The following RETREG1 variants were observed in gnomAD, a reference collection of about 807,000 sequenced individuals.
The protein encoded by RETREG1 is reticulophagy regulator 1.
In RETREG1, 44 loss-of-function variants were observed where a neutral mutation model predicts 54.8. The observed-to-expected ratio is 0.80, with a 90% CI of 0.63 to 1.03. RETREG1 has a LOEUF of 1.03. RETREG1 is among the 50% of genes least tolerant of loss of function. The probability of loss-of-function intolerance (pLI) is 0.00; values close to 1 mark genes in which losing one functional copy is unlikely to be tolerated. For synonymous variants in RETREG1, 217 were observed against 238.5 expected, an observed-to-expected ratio of 0.91 and a Z score of 0.83; for missense variants, 554 against 605.1, an observed-to-expected ratio of 0.92 and a Z score of 0.89.
intron 2 of RETREG1, among the ~76,000 whole-genome samples, chr5:16,570,880 G>C (rs987888910): frequency 2.0e-5 from 3 of 152,114 alleles, no homozygotes; most frequent in Non-Finnish European, 4.4e-5. Flanking sequence ...AGGGAAAAAA[G>C]GGAGAGAAGG....
intron 3 of RETREG1, among the ~76,000 whole-genome samples, chr5:16,534,212 G>C (rs933314069): frequency 6.6e-6 from 1 of 152,190 alleles, no homozygotes; most frequent in African/African-American, 2.4e-5. Flanking sequence ...CATTTTGGGA[G>C]GCCAAGTTGG....
intron 3 of RETREG1, among the ~76,000 whole-genome samples, chr5:16,520,412 C>T (rs1284313018): frequency 6.6e-6 from 1 of 152,110 alleles, no homozygotes; most frequent in Admixed American, 6.5e-5. Flanking sequence ...TCACTGCAAC[C>T]TCCGTCTCCC....
At chr5:16,559,112 C>T (rs983110291) in intron 3 of RETREG1, among the ~76,000 whole-genome samples, 4 of 152,196 alleles carry the variant, frequency 2.6e-5, no homozygotes, top group Admixed American at 2.6e-4. Context: ...CTTTCACCTT[C>T]CCACCTCCAA....
intron 1 of RETREG1, among the ~76,000 whole-genome samples, chr5:16,608,364 T>C (rs189884590): frequency 6.6e-6 from 1 of 152,212 alleles, no homozygotes; most frequent in Non-Finnish European, 1.5e-5. Context: ...AGTCTCTCCA[T>C]CCTGACAACA....
rs572359312 is a variant in RETREG1, at chr5:16,481,642, C to T, written c.586-549G>A. On this transcript the variant is annotated intron_variant, in intron 4 of 8. Transcript: ENST00000306320. ...GGATAAATTTATGGCCATCACTATC[C>T]TCTTTCCTAACCATATATACTGCTC... 3.3e-4 allele frequency among the ~76,000 whole-genome samples: 50 copies of T among 152,062 alleles called. 1 individual carries two copies. The highest frequency in any genetic ancestry group is 1.2e-3 in the African/African-American group (48 of 41,510).
intron 3 of RETREG1, among the ~76,000 whole-genome samples, chr5:16,529,509 A>T (rs1222156998): frequency 6.6e-6 from 1 of 152,190 alleles, no homozygotes; most frequent in East Asian, 1.9e-4. Flanking sequence ...TCATATAATT[A>T]GCTTCTTATC....
intron 3 of RETREG1, among the ~76,000 whole-genome samples, chr5:16,501,338 T>C (rs1739701326): frequency 6.6e-6 from 1 of 152,184 alleles, no homozygotes; most frequent in South Asian, 2.1e-4. Flanking sequence ...AAACCAGCAT[T>C]GCATGGTTCT....
At chr5:16,502,606 T>C (rs894713800) in intron 3 of RETREG1, among the ~76,000 whole-genome samples, 1 of 152,214 alleles carries the variant, frequency 6.6e-6, no homozygotes, top group Non-Finnish European at 1.5e-5. Context: ...CAAGAAAATA[T>C]ATCCAGGAAG....
rs1359952267 is a variant in RETREG1, at chr5:16,475,239, G to T, written c.1001-5C>A. ...CCTCACTGGGTCGGTCAAGATCTGT[G>T]AAATGGATAACAGAAGTTCAGACTG... On this transcript the variant is annotated splice_polypyrimidine_tract_variant and splice_region_variant and intron_variant, in intron 8 of 8. Transcript: ENST00000306320. The T allele has an allele frequency of 6.2e-7, 1 of 1,610,426 alleles. No individual in the cohort carries two copies. The highest frequency in any genetic ancestry group is 1.3e-5 in the African/African-American group (1 of 74,904).
chr5:16,489,513 T>C (rs185070784), intron 3 of RETREG1, among the ~76,000 whole-genome samples: 1 of 152,344 alleles, frequency 6.6e-6, no homozygotes, highest in Admixed American at 6.5e-5. Flanking sequence ...GCAGCCTGTT[T>C]CATCCCTTTC....
At chr5:16,568,142 A>G (rs1309597095) in intron 2 of RETREG1, among the ~76,000 whole-genome samples, 1 of 152,186 alleles carries the variant, frequency 6.6e-6, no homozygotes, top group East Asian at 1.9e-4. Context: ...CACACACTCA[A>G]GGTACATAAC....
At chr5:16,528,466 T>TAC (rs1325089255) in intron 3 of RETREG1, among the ~76,000 whole-genome samples, 1 of 151,944 alleles carries the variant, frequency 6.6e-6, no homozygotes, top group African/African-American at 2.4e-5. Context: ...TGGATATATA[T>TAC]TCCACCTGCC....
chr5:16,510,818 C>CAA lies in RETREG1; in HGVS notation c.459-27348_459-27347dup, dbSNP rs57713373. ...AAAACAACAAGAACAACAACAACAA[C>CAA]AAAAAAAAAAAAAAAAAAAAAAAAC... On this transcript the variant is annotated intron_variant, in intron 3 of 8. Coordinates refer to ENST00000306320, the MANE Select transcript of RETREG1 (RefSeq NM_001034850.3). Among the ~76,000 whole-genome samples, 334 of 75,670 alleles carry CAA rather than the reference C, an allele frequency of 4.4e-3. 3 individuals are homozygous for CAA. Among genetic ancestry groups the CAA allele is most frequent in the African/African-American group, 0.014 (245 of 17,664 alleles). 49.6% of individuals were successfully genotyped at this position (75,670 alleles called of 152,430 possible).
chr5:16,569,118 C>T (rs1742102902), intron 2 of RETREG1, among the ~76,000 whole-genome samples: 1 of 152,026 alleles, frequency 6.6e-6, no homozygotes, highest in Non-Finnish European at 1.5e-5. Context: ...GCAGCAGCAC[C>T]CTGCGCTAGG....
rs796485796 is a variant in RETREG1 at position 16,551,435 on chromosome 5, G to A, written c.458+14328C>T. Among the ~76,000 whole-genome samples, 59 of 152,234 alleles carry A rather than the reference G, an allele frequency of 3.9e-4. 2 individuals are homozygous for A. The highest frequency in any genetic ancestry group is 1.2e-3 in the African/African-American group (51 of 41,546). The stretch of plus-strand genomic sequence containing the variant: ...TCTTTTTCCCTGGCTTCCAAGCATG[G>A]CATCTTCATGACTCTTCTTGACTAC... On this transcript the variant is annotated intron_variant, in intron 3 of 8. Coordinates refer to ENST00000306320, the MANE Select transcript of RETREG1 (RefSeq NM_001034850.3).
chr5:16,496,203 T>C (rs1264121726), intron 3 of RETREG1, among the ~76,000 whole-genome samples: 3 of 152,212 alleles, frequency 2.0e-5, no homozygotes, highest in Non-Finnish European at 2.9e-5. Flanking sequence ...GTTATATGTA[T>C]TACAATATAG....
intron 1 of RETREG1, among the ~76,000 whole-genome samples, chr5:16,595,671 TA>T (rs1034586621): frequency 1.3e-5 from 2 of 152,168 alleles, no homozygotes; most frequent in African/African-American, 4.8e-5. Context: ...TGTGATCAAA[TA>T]CAAGCTATTA....
At chr5:16,595,488 C>T (rs925590521) in intron 1 of RETREG1, among the ~76,000 whole-genome samples, 1 of 152,104 alleles carries the variant, frequency 6.6e-6, no homozygotes, top group African/African-American at 2.4e-5. Context: ...TTAGCAGACA[C>T]AAGTAATAAC....
chr5:16,609,445 T>C (rs531003313), intron 1 of RETREG1, among the ~76,000 whole-genome samples: 1 of 152,364 alleles, frequency 6.6e-6, no homozygotes, highest in South Asian at 2.1e-4. Context: ...ATTTACTTAT[T>C]TTTAAGAGTC....
Sources: allele counts gnomAD v4.1 joint callset (sites outside exome capture counted in the v4.1 genomes callset), GRCh38; gene constraint gnomAD v4.1.1; transcripts MANE v1.5; gene names NCBI Gene and HGNC (gene_info 2026-07-23, HGNC 2026-07-21).